Variants in GABRA2 observed in about 807,000 individuals in gnomAD.
GABRA2 encodes gamma-aminobutyric acid type A receptor subunit alpha2.
Under a neutral mutation model 48.7 loss-of-function variants are expected in GABRA2, and 16 were observed. The observed-to-expected ratio is 0.33, with a 90% CI of 0.22 to 0.50. The LOEUF (loss-of-function observed/expected upper bound fraction) is 0.50. Among genes scored for constraint, GABRA2 ranks in the 20% least tolerant of loss-of-function variants. GABRA2 has a pLI of 0.98. For missense variants in GABRA2, 275 were observed against 535.6 expected (o/e 0.51, Z 4.80); for synonymous variants, 185 against 184.5 (o/e 1.00, Z -0.02).
intron 3 of GABRA2, among the ~76,000 whole-genome samples, chr4:46,337,351 T>A (rs1401744222): frequency 6.6e-6 from 1 of 151,926 alleles, no homozygotes. Context: ...AAAAGTCAAG[T>A]CCCACAAATA....
intron 3 of GABRA2, 88 bp downstream of exon 3, chr4:46,385,986 T>A: frequency 1.4e-6 from 1 of 727,678 alleles, no homozygotes; most frequent in South Asian, 1.6e-5. Flanking sequence ...GATGCATTCA[T>A]ATATAAAAGT....
Position 46,356,327 on chromosome 4 carries a change from G to C in GABRA2, c.188-23645C>G, listed in dbSNP as rs139691159. The stretch of plus-strand genomic sequence containing the variant: ...AAGCCAATCTATCTGTCAATTTTCT[G>C]ATTTTCTCTGAATCTCCCATTCAAG... On this transcript the variant is annotated intron_variant, in intron 3 of 9. Transcript: ENST00000381620. Among the ~76,000 whole-genome samples the C allele has an allele frequency of 4.6e-3, 692 of 151,022 alleles. 6 individuals are homozygous for C. Among genetic ancestry groups the C allele is most frequent in the African/African-American group, 0.016 (668 of 41,088 alleles).
chr4:46,301,046 T>A (rs1725649594), intron 8 of GABRA2, among the ~76,000 whole-genome samples: 1 of 152,174 alleles, frequency 6.6e-6, no homozygotes, highest in Non-Finnish European at 1.5e-5. Flanking sequence ...TCTGGAGATC[T>A]ACTATATAGC....
intron 8 of GABRA2, among the ~76,000 whole-genome samples, chr4:46,293,791 A>G (rs1482239057): frequency 6.6e-6 from 1 of 152,168 alleles, no homozygotes; most frequent in Non-Finnish European, 1.5e-5. Context: ...GATTAGTGCC[A>G]CCATCAAGGA....
At chr4:46,271,539 T>A (rs1010297695) in intron 8 of GABRA2, among the ~76,000 whole-genome samples, 4 of 151,990 alleles carry the variant, frequency 2.6e-5, no homozygotes, top group African/African-American at 7.2e-5. Context: ...CTGTACTGCA[T>A]CTGAATGATA....
At position 46,350,341 on chromosome 4, in the gene GABRA2, T is replaced by C. The variant is rs1578138364; in HGVS notation, c.188-17659A>G. Among the ~76,000 whole-genome samples, 3 of 151,986 alleles carry C rather than the reference T, an allele frequency of 2.0e-5. No individual in the cohort carries two copies. In the South Asian group the frequency reaches 6.2e-4, roughly 31 times the overall value. On this transcript the variant is annotated intron_variant, in intron 3 of 9. Transcript: ENST00000381620. ...CATGTTAAATGTTTGGGAGATAATA[T>C]AGAGATAATAATAAACTTACAGTCC...
chr4:46,334,898 G>A (rs1731949866), intron 3 of GABRA2, among the ~76,000 whole-genome samples: 1 of 152,154 alleles, frequency 6.6e-6, no homozygotes, highest in South Asian at 2.1e-4. Context: ...AAACACTGAC[G>A]ATGAACATCC....
At chr4:46,292,816 C>A (rs1162302493) in intron 8 of GABRA2, among the ~76,000 whole-genome samples, 1 of 147,464 alleles carries the variant, frequency 6.8e-6, no homozygotes, top group Non-Finnish European at 1.5e-5. Context: ...GAAGACATAC[C>A]CTTGACCAAT....
chr4:46,295,612 C>T (rs1724490013), intron 8 of GABRA2, among the ~76,000 whole-genome samples: 1 of 152,176 alleles, frequency 6.6e-6, no homozygotes, highest in Non-Finnish European at 1.5e-5. Flanking sequence ...TGCATGGGCT[C>T]AGCAACATGG....
At chr4:46,336,077 A>G (rs1349702415) in intron 3 of GABRA2, among the ~76,000 whole-genome samples, 1 of 152,138 alleles carries the variant, frequency 6.6e-6, no homozygotes, top group African/African-American at 2.4e-5. Flanking sequence ...AAGCTCCACA[A>G]AGAACAGGGA....
chr4:46,311,423 A>G (rs968753152), intron 5 of GABRA2, among the ~76,000 whole-genome samples: 1 of 152,194 alleles, frequency 6.6e-6, no homozygotes, highest in Non-Finnish European at 1.5e-5. Context: ...GTCTATATAT[A>G]ATGCTGATGT....
intron 9 of GABRA2, among the ~76,000 whole-genome samples, chr4:46,258,902 G>A (rs1716395489): frequency 6.6e-6 from 1 of 151,840 alleles, no homozygotes; most frequent in African/African-American, 2.4e-5. Flanking sequence ...ATAGTTGGTC[G>A]AGAATTAAGT....
At chr4:46,380,383 C>A (rs1716598440) in intron 3 of GABRA2, among the ~76,000 whole-genome samples, 1 of 152,032 alleles carries the variant, frequency 6.6e-6, no homozygotes, top group South Asian at 2.1e-4. Flanking sequence ...TCCTGTATGC[C>A]CCAAGTTTAT....
chr4:46,253,461 T>C (rs754879145), intron 9 of GABRA2, among the ~76,000 whole-genome samples: 8 of 151,566 alleles, frequency 5.3e-5, no homozygotes, highest in Non-Finnish European at 1.2e-4. Context: ...CACTGTGGAC[T>C]CTTTAATAAG....
intron 3 of GABRA2, among the ~76,000 whole-genome samples, chr4:46,381,507 A>G (rs1379499806): frequency 6.6e-6 from 1 of 152,190 alleles, no homozygotes; most frequent in Non-Finnish European, 1.5e-5. Flanking sequence ...TATTTTCTTG[A>G]CATGTTTTTC....
chr4:46,390,068 TGG>T lies in GABRA2; in HGVS notation c.-346_-345del. ...AGGAGCTGGGGCCGGGGGGGGAAAT[TGG>T]GGGGACGCGGGCGGAGGCGCGGTGC... On this transcript the variant is annotated 5_prime_UTR_variant, in exon 1 of 10. Transcript: ENST00000381620. 1.3e-5 allele frequency: 1 copy of T among 77,502 alleles called. No individual in the cohort carries two copies. The highest frequency in any genetic ancestry group is 1.5e-5 in the Non-Finnish European group (1 of 64,988). 4.8% of individuals were successfully genotyped at this position (77,502 alleles called of 1,614,324 possible).
chr4:46,255,266 A>G (rs1289006749), intron 9 of GABRA2, among the ~76,000 whole-genome samples: 1 of 120,786 alleles, frequency 8.3e-6, no homozygotes, highest in Admixed American at 8.2e-5. Context: ...AAAAATGTAT[A>G]TATAACATAT....
At chr4:46,367,925 A>T (rs983556085) in intron 3 of GABRA2, 1 of 152,236 alleles carries the variant, frequency 6.6e-6, no homozygotes, top group East Asian at 1.9e-4. Context: ...GAAGTTAAAC[A>T]TGTGTATATG....
At chr4:46,278,928 T>C (rs1258636881) in intron 8 of GABRA2, among the ~76,000 whole-genome samples, 4 of 151,954 alleles carry the variant, frequency 2.6e-5, no homozygotes, top group Non-Finnish European at 4.4e-5. Context: ...AATAAAGGTA[T>C]GAAGGAGGCA....
Sources: allele counts gnomAD v4.1 joint callset (sites outside exome capture counted in the v4.1 genomes callset), GRCh38; gene constraint gnomAD v4.1.1; transcripts MANE v1.5; gene names NCBI Gene and HGNC (gene_info 2026-07-23, HGNC 2026-07-21).